AGO3: variants seen among roughly 807,000 people sequenced by gnomAD.
AGO3 encodes the protein argonaute RISC catalytic component 3.
In AGO3, 16 loss-of-function variants were observed where a neutral mutation model predicts 105.5. The ratio of observed to expected loss-of-function variants is 0.15; its 90% CI spans 0.10 to 0.23. The LOEUF (loss-of-function observed/expected upper bound fraction) is 0.23, where lower values mean the gene tolerates loss of function less well. Ranked by LOEUF, AGO3 falls within the 10% of genes least tolerant of loss-of-function variation. The pLI is 1.00. For synonymous variants in AGO3, 340 were observed against 367.3 expected (o/e 0.93, Z 0.85); for missense variants, 534 against 1,088.0 (o/e 0.49, Z 7.16).
In AGO3 at chr1:36,067,647, T is replaced by C. The variant is rs895286178; in HGVS notation, c.*11902T>C. 6 of 151,968 alleles carry C rather than the reference T, an allele frequency of 3.9e-5. No homozygotes were observed. Among genetic ancestry groups the C allele is most frequent in the African/African-American group, 1.5e-4 (6 of 41,332 alleles). 9.4% of individuals were successfully genotyped at this position (151,968 alleles called of 1,614,324 possible). ...ATAAGGAAATTAAATGAAGGATTTA[T>C]CTTTAATAGAGCCAGGCATTGCTAT... On this transcript the variant is annotated 3_prime_UTR_variant, in exon 19 of 19. Transcript: ENST00000373191.
At position 36,055,102 on chromosome 1, in the gene AGO3, G is replaced by A. The variant is rs951522768; in HGVS notation, c.2431G>A (p.Ala811Thr). Residue 811 changes from alanine to threonine, a missense_variant, in exon 18 of 19, where the codon GCA becomes ACA. By Grantham distance (58) the Ala-to-Thr change is moderately conservative. Coordinates refer to ENST00000373191, the MANE Select transcript of AGO3 (RefSeq NM_024852.4). This position sits in a 1 kb window ranked among gnomAD's most constrained non-coding sequence, Gnocchi z 4.4. ...PAPAYYAHLV[A>T]FRARYHLVDK... Reference sequence around the variant, plus strand: ...ACCAGCGTATTATGCTCACCTGGTAGCATTTAGAGCCAGATATCATCTTGT... The same window carrying A: ...ACCAGCGTATTATGCTCACCTGGTAACATTTAGAGCCAGATATCATCTTGT... The A allele has an allele frequency of 6.2e-7, 1 of 1,612,918 alleles. No homozygotes were observed. Among genetic ancestry groups the A allele is most frequent in the Non-Finnish European group, 8.5e-7 (1 of 1,179,392 alleles).
intron 1 of AGO3, among the ~76,000 whole-genome samples, chr1:35,939,787 A>G (rs1646219653): frequency 1.3e-5 from 2 of 152,136 alleles, no homozygotes; most frequent in Non-Finnish European, 1.5e-5. Context: ...GTATACATAT[A>G]GGCAGAACTG....
chr1:35,952,124 C>A (rs1435002017), intron 2 of AGO3, among the ~76,000 whole-genome samples: 1 of 104,756 alleles, frequency 9.5e-6, no homozygotes, highest in Non-Finnish European at 1.7e-5. Context: ...TTCTTTCTTT[C>A]TTTCTTTCTT....
At chr1:35,956,385 G>C (rs1467173140) in intron 2 of AGO3, among the ~76,000 whole-genome samples, 2 of 152,160 alleles carry the variant, frequency 1.3e-5, no homozygotes, top group Non-Finnish European at 2.9e-5. Flanking sequence ...AGTTCAATAG[G>C]TTATTGGAAA....
chr1:36,021,499 G>T (rs1050977065), intron 11 of AGO3, among the ~76,000 whole-genome samples: 1 of 151,928 alleles, frequency 6.6e-6, no homozygotes, highest in Non-Finnish European at 1.5e-5. Context: ...AATATAACTC[G>T]ATGGAGTTTA....
At chr1:35,954,374 TAC>T (rs1491507576) in intron 2 of AGO3, among the ~76,000 whole-genome samples, 2 of 152,218 alleles carry the variant, frequency 1.3e-5, no homozygotes, top group Non-Finnish European at 2.9e-5. Flanking sequence ...AAGGGACTAG[TAC>T]ATAAGGTATT....
chr1:36,048,322 C>A (rs147417137), intron 17 of AGO3, among the ~76,000 whole-genome samples: 1 of 152,188 alleles, frequency 6.6e-6, no homozygotes, highest in Non-Finnish European at 1.5e-5. Flanking sequence ...AATAAGAATC[C>A]TATTTCCAGC....
At chr1:36,037,018 C>T (rs1453714803) in intron 14 of AGO3, among the ~76,000 whole-genome samples, 1 of 151,900 alleles carries the variant, frequency 6.6e-6, no homozygotes, top group Non-Finnish European at 1.5e-5. Context: ...TTACTACTGC[C>T]ACTCCTGTTT....
chr1:35,980,656 AT>A (rs923775239), intron 5 of AGO3, among the ~76,000 whole-genome samples: 6 of 152,034 alleles, frequency 3.9e-5, no homozygotes, highest in African/African-American at 1.4e-4. Flanking sequence ...CCTTGTAGGT[AT>A]TTTTCCACTG....
intron 5 of AGO3, among the ~76,000 whole-genome samples, chr1:35,989,263 G>C (rs1021927509): frequency 3.9e-5 from 6 of 152,176 alleles, no homozygotes; most frequent in Non-Finnish European, 7.3e-5. Context: ...TGTGTGATTG[G>C]TCTTGAGAAT....
chr1:35,952,989 T>A (rs578027517), intron 2 of AGO3, among the ~76,000 whole-genome samples: 1 of 152,248 alleles, frequency 6.6e-6, no homozygotes, highest in East Asian at 1.9e-4. Context: ...CATTTTTGAC[T>A]ACTACAAATA....
intron 9 of AGO3, 108 bp downstream of exon 9, chr1:36,009,702 G>A: frequency 1.2e-5 from 14 of 1,147,002 alleles, no homozygotes; most frequent in Non-Finnish European, 1.7e-5. Context: ...TTCATGGACT[G>A]TCAGAATTAA....
At chr1:35,956,572 A>C (rs1646568699) in intron 2 of AGO3, among the ~76,000 whole-genome samples, 1 of 152,088 alleles carries the variant, frequency 6.6e-6, no homozygotes, top group African/African-American at 2.4e-5. Context: ...GAAAGATAGG[A>C]GAACCAGGAC....
At chr1:36,033,101 C>G (rs542307973) in intron 12 of AGO3, among the ~76,000 whole-genome samples, 2 of 152,080 alleles carry the variant, frequency 1.3e-5, no homozygotes, top group South Asian at 2.1e-4. Context: ...CCGTTGCACT[C>G]CAGCCCTGGG....
intron 11 of AGO3, 133 bp from the exon 12 acceptor site, chr1:36,026,981 C>A: frequency 1.0e-6 from 1 of 993,114 alleles, no homozygotes; most frequent in Non-Finnish European, 1.5e-6. Context: ...CATCAGTAGT[C>A]TGGTGACCTC....
chr1:36,015,602 A>G (rs1010439442), intron 11 of AGO3, among the ~76,000 whole-genome samples: 11 of 152,236 alleles, frequency 7.2e-5, no homozygotes, highest in African/African-American at 2.4e-4. Context: ...TATCATATAA[A>G]AAAGATAACA....
rs1553165394 is a variant in AGO3, at chr1:35,999,910, G to GA, written c.659-4431_659-4430insA. On this transcript the variant is annotated intron_variant, in intron 5 of 18. Transcript: ENST00000373191. ...AAAATTAAGTTGAATTTACCATGGA[G>GA]TTTTTTTTTTCTTTTTTATGTATCT... is the stretch of plus-strand genomic sequence containing the variant. Among the ~76,000 whole-genome samples, 16 of 148,834 alleles carry GA rather than the reference G, an allele frequency of 1.1e-4. No individual in the cohort carries two copies. In the East Asian group the frequency reaches 3.1e-3, roughly 29 times the overall value.
intron 5 of AGO3, among the ~76,000 whole-genome samples, chr1:35,980,372 GT>G (rs1647032203): frequency 6.6e-6 from 1 of 152,116 alleles, no homozygotes; most frequent in Non-Finnish European, 1.5e-5. Flanking sequence ...ACATCCATTT[GT>G]ATATATTCAT....
In AGO3 at chr1:35,994,633, AAAAC is replaced by A. The variant is rs1416323417; in HGVS notation, c.659-9703_659-9700del. Among the ~76,000 whole-genome samples, 3 of 152,332 alleles carry A rather than the reference AAAAC, an allele frequency of 2.0e-5. 1 individual carries two copies. The South Asian group carries it at 6.2e-4, about 32-fold the overall frequency. On this transcript the variant is annotated intron_variant, in intron 5 of 18. Coordinates refer to ENST00000373191, the MANE Select transcript of AGO3 (RefSeq NM_024852.4). ...AATACTCTACATTAAAGAATCTACC[AAAAC>A]AAACCCCATTAAAATTATTAGAATT...
Sources: allele counts gnomAD v4.1 joint callset (sites outside exome capture counted in the v4.1 genomes callset), GRCh38; gene constraint gnomAD v4.1.1; non-coding constraint Gnocchi (gnomAD v3.1); transcripts MANE v1.5; gene names NCBI Gene and HGNC (gene_info 2026-07-23, HGNC 2026-07-21).